Variants in MAMLD1 observed in about 807,000 individuals in gnomAD.
MAMLD1 encodes the protein mastermind-like domain-containing protein 1.
A neutral mutation model predicts 45.0 loss-of-function variants in MAMLD1; 14 were observed. That is an observed-to-expected ratio of 0.31 (90% CI 0.21 to 0.49). The LOEUF (loss-of-function observed/expected upper bound fraction) is 0.49. MAMLD1 is among the 20% of genes least tolerant of loss of function. The probability of loss-of-function intolerance (pLI) is 0.99; values close to 1 mark genes in which losing one functional copy is unlikely to be tolerated. For synonymous variants in MAMLD1, 254 were observed against 247.8 expected (o/e 1.02, Z -0.24); for missense variants, 543 against 603.6 (o/e 0.90, Z 1.05).
intron 1 of MAMLD1, among the ~76,000 whole-genome samples, chrX:150,393,469 T>C (rs1603231476): frequency 8.9e-6 from 1 of 112,242 alleles, no homozygotes. Flanking sequence ...TCAAGGAGCA[T>C]GATTGTCAGA....
intron 1 of MAMLD1, among the ~76,000 whole-genome samples, chrX:150,406,155 C>CCTT (rs2033989922): frequency 3.6e-5 from 4 of 111,387 alleles, no homozygotes; most frequent in Non-Finnish European, 7.5e-5. Context: ...CTGGATTGAA[C>CCTT]ATGGTGCTTA....
chrX:150,509,965 G>A lies in MAMLD1; in HGVS notation c.2288G>A (p.Arg763Lys), dbSNP rs1557409048. 5.9e-6 allele frequency: 7 copies of A among 1,182,874 alleles called. No homozygotes were observed. The highest frequency in any genetic ancestry group is 8.0e-6 in the Non-Finnish European group (7 of 870,301). The change falls in exon 7 of 8, where the codon AGA becomes AAA. Residue 763 changes from arginine (R) to lysine (K), a missense_variant. By Grantham distance (26) the Arg-to-Lys change is conservative (BLOSUM62 2). Coordinates refer to ENST00000370401, the MANE Select transcript of MAMLD1 (RefSeq NM_005491.5). ...PLLPSCDATA[R>K]GTEIRSYGND... is the part of the protein sequence containing the mutation. ...GTCTTTTTCATCTTCTGTTTAGCAA[G>A]AGGAACAGAGATCAGGTCTTATGGC... is the stretch of plus-strand genomic sequence containing the variant.
At chrX:150,364,852 C>T (rs2031277348) in intron 1 of MAMLD1, among the ~76,000 whole-genome samples, 1 of 113,129 alleles carries the variant, frequency 8.8e-6, no homozygotes, top group Non-Finnish European at 1.9e-5. Flanking sequence ...AATTGCGCCG[C>T]CCCCAGCGGC....
chrX:150,481,968 GAAAGAAAGAAAGAAAGAAAGA>G (rs1302230589), intron 5 of MAMLD1, among the ~76,000 whole-genome samples: 3 of 34,431 alleles, frequency 8.7e-5, no homozygotes, highest in African/African-American at 3.8e-4. Flanking sequence ...AAAGAAAAAA[GAAAGAAAGAAAGAAAGAAAGA>G]AAGAAAGAAA....
intron 1 of MAMLD1, among the ~76,000 whole-genome samples, chrX:150,377,424 A>C (rs782487398): frequency 8.9e-6 from 1 of 112,975 alleles, no homozygotes; most frequent in Non-Finnish European, 1.9e-5. Flanking sequence ...TCCTTTCTAG[A>C]AGCAATATTT....
chrX:150,397,590 C>T (rs782325051), intron 1 of MAMLD1, among the ~76,000 whole-genome samples: 3 of 111,337 alleles, frequency 2.7e-5, no homozygotes, highest in Non-Finnish European at 5.7e-5. Flanking sequence ...TGAGCCCAGA[C>T]CCAGATTTGT....
chrX:150,475,438 A>T (rs2036556594), intron 5 of MAMLD1, among the ~76,000 whole-genome samples: 2 of 112,210 alleles, frequency 1.8e-5, no homozygotes, highest in Admixed American at 9.4e-5. Context: ...GTAAGCTGAA[A>T]AGCCAAATCC....
chrX:150,439,946 T>TAA (rs782014064), intron 1 of MAMLD1, among the ~76,000 whole-genome samples: 5 of 104,123 alleles, frequency 4.8e-5, no homozygotes, highest in Non-Finnish European at 7.9e-5. Context: ...GACTCTGTCT[T>TAA]AAAAAAAAAA....
At chrX:150,382,217 C>G (rs1162046076) in intron 1 of MAMLD1, among the ~76,000 whole-genome samples, 8 of 111,332 alleles carry the variant, frequency 7.2e-5, no homozygotes, top group Non-Finnish European at 1.5e-4. Context: ...CTCAATGGCT[C>G]TAGTAGCATT....
intron 1 of MAMLD1, among the ~76,000 whole-genome samples, chrX:150,416,416 T>C (rs782301190): frequency 1.3e-4 from 14 of 111,922 alleles, no homozygotes; most frequent in Non-Finnish European, 2.6e-4. Flanking sequence ...TCAACCAGGG[T>C]AGCCTGTTGA....
intron 1 of MAMLD1, among the ~76,000 whole-genome samples, chrX:150,376,641 T>C (rs782697873): frequency 8.1e-5 from 9 of 111,530 alleles, no homozygotes; most frequent in African/African-American, 2.9e-4. Context: ...AGCTATCAGA[T>C]ACTAGCTTAT....
rs1557406348 is a variant in MAMLD1 at position 150,470,605 on chromosome X, A to G, written c.1032A>G (p.Pro344=). The G allele has an allele frequency of 1.7e-6, 2 of 1,211,496 alleles. No individual in the cohort carries two copies. The highest frequency in any genetic ancestry group is 3.5e-5 in the South Asian group (2 of 56,960). ...TCTCTCCACCTTACCGCCCAGTGCC[A>G]TCACCACACCCACCACCGCTGCCAC... ...PGLSPPYRPV[P]SPHPPPLPLP... The change falls in exon 4 of 8, where the codon CCA becomes CCG. Residue 344 remains proline (P), a synonymous_variant. Coordinates refer to ENST00000370401, the MANE Select transcript of MAMLD1 (RefSeq NM_005491.5).
chrX:150,504,316 G>C (rs1415113739), intron 6 of MAMLD1: 2 of 749,593 alleles, frequency 2.7e-6, no homozygotes, highest in Non-Finnish European at 3.1e-6. Context: ...AGAGAAAACT[G>C]GAGACATGAA....
At chrX:150,499,663 G>A (rs782356408) in intron 5 of MAMLD1, among the ~76,000 whole-genome samples, 6 of 111,650 alleles carry the variant, frequency 5.4e-5, no homozygotes, top group South Asian at 7.6e-4. Context: ...GTTTCTGTCT[G>A]TACCCCATCT....
chrX:150,426,537 A>G (rs1448637548), intron 1 of MAMLD1, among the ~76,000 whole-genome samples: 2 of 112,319 alleles, frequency 1.8e-5, no homozygotes, highest in Non-Finnish European at 3.8e-5. Context: ...ACAGAAGTTT[A>G]TAAGCATTTG....
intron 1 of MAMLD1, among the ~76,000 whole-genome samples, chrX:150,411,624 C>G (rs1232617825): frequency 8.9e-6 from 1 of 111,740 alleles, no homozygotes; most frequent in East Asian, 2.8e-4. Flanking sequence ...GGGATATGTA[C>G]AAGTAGGACC....
At chrX:150,367,221 C>T (rs782415136) in intron 1 of MAMLD1, among the ~76,000 whole-genome samples, 1 of 102,843 alleles carries the variant, frequency 9.7e-6, no homozygotes, top group East Asian at 3.1e-4. Context: ...GAAATAGGAA[C>T]GTCATTGAAT....
At chrX:150,385,659 C>A (rs1268759313) in intron 1 of MAMLD1, among the ~76,000 whole-genome samples, 1 of 111,215 alleles carries the variant, frequency 9.0e-6, no homozygotes, top group Non-Finnish European at 1.9e-5. Flanking sequence ...GGAAGGGTTG[C>A]TCTTGCTGTC....
At chrX:150,511,926 G>A in intron 7 of MAMLD1, 78 bp from the exon 8 acceptor site, 2 of 942,845 alleles carry the variant, frequency 2.1e-6, no homozygotes. Flanking sequence ...GTTGGGCCAG[G>A]AGCTACCCTC....
Sources: allele counts gnomAD v4.1 joint callset (sites outside exome capture counted in the v4.1 genomes callset), GRCh38; gene constraint gnomAD v4.1.1; transcripts MANE v1.5; gene names NCBI Gene and HGNC (gene_info 2026-07-23, HGNC 2026-07-21).